The following SLC24A3 variants were observed in gnomAD, a reference collection of about 807,000 sequenced individuals.
SLC24A3 encodes sodium/potassium/calcium exchanger 3.
In SLC24A3, 28 loss-of-function variants were observed where a neutral mutation model predicts 75.8. That is an observed-to-expected ratio of 0.37 (90% confidence interval 0.27 to 0.51). SLC24A3 has a LOEUF of 0.51. SLC24A3 is among the 20% of genes least tolerant of loss of function. The pLI, the probability that SLC24A3 is intolerant of heterozygous loss-of-function variation, is 0.94. For missense variants in SLC24A3, 663 were observed against 847.8 expected (o/e 0.78, Z 2.71); for synonymous variants, 372 against 334.1 (o/e 1.11, Z -1.24).
chr20:19,690,799 T>C (rs1014376711), intron 12 of SLC24A3, among the ~76,000 whole-genome samples: 3 of 152,238 alleles, frequency 2.0e-5, no homozygotes, highest in Non-Finnish European at 4.4e-5. Context: ...CATCATTCAC[T>C]TGACCATCTC....
chr20:19,567,214 C>A (rs2030972400), intron 3 of SLC24A3, among the ~76,000 whole-genome samples: 1 of 152,174 alleles, frequency 6.6e-6, no homozygotes, highest in Non-Finnish European at 1.5e-5. Context: ...ATAAATCGTT[C>A]TACCATAAAG....
intron 1 of SLC24A3, among the ~76,000 whole-genome samples, chr20:19,267,516 A>AT (rs774488662): frequency 2.0e-5 from 3 of 152,310 alleles, no homozygotes; most frequent in East Asian, 1.9e-4. Flanking sequence ...ATAAAAATCC[A>AT]TTTTTTTAAA....
In SLC24A3 at chr20:19,563,820, A is replaced by G. The variant is rs868262634; in HGVS notation, c.349-16180A>G. Among the ~76,000 whole-genome samples the G allele has an allele frequency of 3.3e-4, 50 of 152,320 alleles. No individual in the cohort carries two copies. In the Middle Eastern group the frequency reaches 0.01, roughly 31 times the overall value. On this transcript the variant is annotated intron_variant, in intron 3 of 16. Coordinates refer to ENST00000328041, the MANE Select transcript of SLC24A3 (RefSeq NM_020689.4). ...CAGTCTTGTATCTTTTAAAAGCACA[A>G]TGTTGGGCAATAAACATTGCTGTAA...
intron 2 of SLC24A3, among the ~76,000 whole-genome samples, chr20:19,321,410 C>CT (rs1388752348): frequency 6.6e-6 from 1 of 152,048 alleles, no homozygotes; most frequent in African/African-American, 2.4e-5. Context: ...GCACTTAGCA[C>CT]TAAGGAGGCA....
intron 3 of SLC24A3, among the ~76,000 whole-genome samples, chr20:19,546,158 C>CAAAAAAAAAAAAAAAAAAAAAAAAAAAA (rs367781560): frequency 1.1e-4 from 5 of 46,740 alleles, no homozygotes; most frequent in Non-Finnish European, 1.4e-4. Context: ...GACTCCGTCT[C>CAAAAAAAAAAAAAAAAAAAAAAAAAAAA]AAAAAAAAAA....
intron 3 of SLC24A3, among the ~76,000 whole-genome samples, chr20:19,527,507 G>C (rs932069607): frequency 4.6e-5 from 7 of 152,132 alleles, no homozygotes; most frequent in Admixed American, 2.0e-4. Flanking sequence ...ATGAACTTTG[G>C]GGGGCCAGAC....
intron 2 of SLC24A3, among the ~76,000 whole-genome samples, chr20:19,419,394 A>C (rs1986878632): frequency 6.6e-6 from 1 of 151,984 alleles, no homozygotes; most frequent in Admixed American, 6.6e-5. Flanking sequence ...TGGGCATTTA[A>C]GCCAGAAGAG....
At chr20:19,349,006 T>G (rs1985501493) in intron 2 of SLC24A3, among the ~76,000 whole-genome samples, 1 of 152,190 alleles carries the variant, frequency 6.6e-6, no homozygotes, top group African/African-American at 2.4e-5. Context: ...CCCCCAGCCT[T>G]GCTTCTTCCT....
rs2032770036 is a variant in SLC24A3 at position 19,693,440 on chromosome 20, G to A, written c.1491+15G>A. On this transcript the variant is annotated intron_variant, in intron 13 of 16. Coordinates refer to ENST00000328041, the MANE Select transcript of SLC24A3 (RefSeq NM_020689.4). ...TGGTGTGGATGGTGAGTGCAATCGGGACCCCATGGCACTGTTAAATCTCTT... is the reference window on the plus strand; with the variant it reads ...TGGTGTGGATGGTGAGTGCAATCGGAACCCCATGGCACTGTTAAATCTCTT... The A allele has an allele frequency of 3.7e-6, 6 of 1,613,044 alleles. No homozygotes were observed. The highest frequency in any genetic ancestry group is 2.2e-5 in the South Asian group (2 of 90,960).
chr20:19,680,876 G>A (rs958279067), intron 9 of SLC24A3, among the ~76,000 whole-genome samples: 2 of 152,242 alleles, frequency 1.3e-5, no homozygotes, highest in Non-Finnish European at 2.9e-5. Flanking sequence ...AACATAGGTT[G>A]AGTGGCCTTC....
chr20:19,355,971 C>A (rs1985674149), intron 2 of SLC24A3, among the ~76,000 whole-genome samples: 1 of 152,066 alleles, frequency 6.6e-6, no homozygotes, highest in Non-Finnish European at 1.5e-5. Flanking sequence ...TTGCTCAATT[C>A]ACTTTAGAGA....
chr20:19,373,236 A>G (rs1309946966), intron 2 of SLC24A3, among the ~76,000 whole-genome samples: 2 of 152,052 alleles, frequency 1.3e-5, no homozygotes, highest in Non-Finnish European at 2.9e-5. Flanking sequence ...GATTTCTGCA[A>G]CCTAAATTTT....
rs2033106800 is a variant in SLC24A3, at chr20:19,721,767, C to CTTG, written c.*627_*628insTTG. The CTTG allele has an allele frequency of 1.3e-5, 2 of 152,826 alleles. No homozygotes were observed. The highest frequency in any genetic ancestry group is 4.8e-5 in the African/African-American group (2 of 41,426). 9.5% of individuals were successfully genotyped at this position (152,826 alleles called of 1,614,324 possible). On this transcript the variant is annotated 3_prime_UTR_variant, in exon 17 of 17. Coordinates refer to ENST00000328041, the MANE Select transcript of SLC24A3 (RefSeq NM_020689.4). ...CTGCCGTGTTGTCTGGGCTTGCATC[C>CTTG]CAGATGTGTTGGAGTATGCATGGAT...
chr20:19,247,112 G>A lies in SLC24A3; in HGVS notation c.143-33847G>A, dbSNP rs139033553. Among the ~76,000 whole-genome samples the A allele has an allele frequency of 9.9e-3, 1,513 of 152,192 alleles. 89 individuals carry two copies. The highest frequency in any genetic ancestry group is 0.09 in the Admixed American group (1,379 of 15,282). On this transcript the variant is annotated intron_variant, in intron 1 of 16. Transcript: ENST00000328041. The stretch of plus-strand genomic sequence containing the variant: ...TTTAAATAAAAAAGAATATAAATTC[G>A]ATGATTAGAGTTAGAAACAAAATCA...
intron 3 of SLC24A3, among the ~76,000 whole-genome samples, chr20:19,522,889 T>C (rs2030129858): frequency 6.6e-6 from 1 of 152,280 alleles, no homozygotes; most frequent in East Asian, 1.9e-4. Flanking sequence ...CTAATTAATA[T>C]ATTTATCACC....
At chr20:19,389,697 G>T (rs1381436213) in intron 2 of SLC24A3, among the ~76,000 whole-genome samples, 1 of 152,100 alleles carries the variant, frequency 6.6e-6, no homozygotes, top group Non-Finnish European at 1.5e-5. Context: ...TATTATAATT[G>T]TGTCTCAATG....
At chr20:19,232,850 A>G (rs1982060841) in intron 1 of SLC24A3, among the ~76,000 whole-genome samples, 1 of 152,210 alleles carries the variant, frequency 6.6e-6, no homozygotes, top group Admixed American at 6.5e-5. Context: ...ATGGAAACTC[A>G]TTCCTCATCA....
intron 2 of SLC24A3, among the ~76,000 whole-genome samples, chr20:19,417,933 G>A (rs557792181): frequency 6.6e-6 from 1 of 152,310 alleles, no homozygotes; most frequent in Non-Finnish European, 1.5e-5. Flanking sequence ...AGGAGTGGAG[G>A]AGTCCTTTTG....
At chr20:19,546,016 G>A (rs563990637) in intron 3 of SLC24A3, among the ~76,000 whole-genome samples, 40 of 151,742 alleles carry the variant, frequency 2.6e-4, no homozygotes, top group African/African-American at 7.7e-4. Flanking sequence ...AAAATTAGCC[G>A]GGCATGGTGG....
Sources: allele counts gnomAD v4.1 joint callset (sites outside exome capture counted in the v4.1 genomes callset), GRCh38; gene constraint gnomAD v4.1.1; transcripts MANE v1.5; gene names NCBI Gene and HGNC (gene_info 2026-07-23, HGNC 2026-07-21).